COL4A5: variants seen among roughly 807,000 people sequenced by gnomAD.
COL4A5 encodes the protein collagen alpha-5(IV) chain.
Under a neutral mutation model 130.2 loss-of-function variants are expected in COL4A5, and 26 were observed. That is an observed-to-expected ratio of 0.20 (90% CI 0.15 to 0.28). COL4A5 has a LOEUF of 0.28. Ranked by LOEUF, COL4A5 falls within the 10% of genes least tolerant of loss-of-function variation. COL4A5 has a pLI of 1.00. For missense variants in COL4A5, 1,131 were observed against 1,344.3 expected, an observed-to-expected ratio of 0.84 and a Z score of 2.48; for synonymous variants, 496 against 439.6, an observed-to-expected ratio of 1.13 and a Z score of -1.60.
Position 108,689,504 on chromosome X carries a change from C to A in COL4A5, c.4528+1810C>A, listed in dbSNP as rs1170130948. 8.0e-6 allele frequency: 6 copies of A among 751,933 alleles called. No individual in the cohort carries two copies. The Admixed American group carries it at 3.5e-4, about 44-fold the overall frequency. The allele number at this position is 751,933 out of a possible 1,213,427, so 62.0% of individuals were successfully genotyped here. ...TAATAAGAACAATCAGATTTGGAAT[C>A]TATAAACTGGCCCTGACTCTGGTAC... is the stretch of plus-strand genomic sequence containing the variant. On this transcript the variant is annotated intron_variant, in intron 49 of 52. Transcript: ENST00000328300.
chrX:108,512,221 C>T (rs2065185100), intron 1 of COL4A5, among the ~76,000 whole-genome samples: 1 of 111,820 alleles, frequency 8.9e-6, no homozygotes, highest in South Asian at 3.7e-4. Context: ...ACAATACATA[C>T]ATCTGTGTAA....
At chrX:108,440,526 T>A in intron 1 of COL4A5, 1 of 264,656 alleles carries the variant, frequency 3.8e-6, no homozygotes, top group Admixed American at 6.2e-5. Context: ...AAACTTTTCC[T>A]CCCCTCCCTC....
intron 42 of COL4A5, among the ~76,000 whole-genome samples, chrX:108,672,649 G>T (rs972436142): frequency 9.0e-6 from 1 of 111,564 alleles, no homozygotes; most frequent in African/African-American, 3.3e-5. Context: ...AAAAAAAATT[G>T]ACTTGGCATA....
intron 1 of COL4A5, among the ~76,000 whole-genome samples, chrX:108,443,849 T>C (rs2064425530): frequency 8.9e-6 from 1 of 112,299 alleles, no homozygotes; most frequent in African/African-American, 3.2e-5. Context: ...ATTTGCCCAC[T>C]AATTTTAGCA....
chrX:108,669,248 A>C (rs1181419428), intron 41 of COL4A5, among the ~76,000 whole-genome samples: 1 of 112,421 alleles, frequency 8.9e-6, no homozygotes, highest in East Asian at 2.8e-4. Flanking sequence ...GTGATAGGTT[A>C]TGAACAGATT....
At chrX:108,580,391 C>T in intron 13 of COL4A5, 142 bp from the exon 14 acceptor site, 1 of 572,691 alleles carries the variant, frequency 1.7e-6, no homozygotes, top group South Asian at 2.3e-5. Flanking sequence ...GGATTATAGC[C>T]TCCAGCTCTA....
intron 29 of COL4A5, among the ~76,000 whole-genome samples, chrX:108,610,406 A>C (rs2066812448): frequency 9.0e-6 from 1 of 111,264 alleles, no homozygotes. Flanking sequence ...GCTCAATACA[A>C]ACTCTTCTTA....
At chrX:108,451,733 T>C (rs2064515784) in intron 1 of COL4A5, among the ~76,000 whole-genome samples, 1 of 109,747 alleles carries the variant, frequency 9.1e-6, no homozygotes, top group Non-Finnish European at 1.9e-5. Context: ...TCATTGTAGA[T>C]TCTGGATATT....
intron 1 of COL4A5, among the ~76,000 whole-genome samples, chrX:108,456,744 T>G (rs2064588267): frequency 8.9e-6 from 1 of 112,264 alleles, no homozygotes; most frequent in Non-Finnish European, 1.9e-5. Context: ...AAATCTTTTT[T>G]AAAGTAATGA....
chrX:108,641,401 A>G lies in COL4A5; in HGVS notation c.3247-13930A>G, dbSNP rs140669615. Among the ~76,000 whole-genome samples the G allele has an allele frequency of 3.8e-4, 43 of 111,804 alleles. No homozygotes were observed. In the East Asian group the frequency reaches 8.5e-3, roughly 22 times the overall value. On this transcript the variant is annotated intron_variant, in intron 36 of 52. Coordinates refer to ENST00000328300, the MANE Select transcript of COL4A5 (RefSeq NM_033380.3). Reference sequence around the variant, plus strand: ...GGTGGACGGGAGACAGGACTGGATTACAGCTCCAACTCGGACAGACAGAGC... The same window carrying G: ...GGTGGACGGGAGACAGGACTGGATTGCAGCTCCAACTCGGACAGACAGAGC...
At chrX:108,532,389 T>A in intron 1 of COL4A5, among the ~76,000 whole-genome samples, 1 of 111,472 alleles carries the variant, frequency 9.0e-6, no homozygotes, top group Non-Finnish European at 1.9e-5. Flanking sequence ...CCCTTCGTGA[T>A]TGAAACTCTC....
At chrX:108,455,758 T>A (rs1420964811) in intron 1 of COL4A5, among the ~76,000 whole-genome samples, 1 of 112,087 alleles carries the variant, frequency 8.9e-6, no homozygotes, top group East Asian at 2.8e-4. Context: ...TTCATTGAAT[T>A]ACCTTGAGGA....
At chrX:108,489,921 T>C (rs1249819203) in intron 1 of COL4A5, among the ~76,000 whole-genome samples, 1 of 112,033 alleles carries the variant, frequency 8.9e-6, no homozygotes, top group Non-Finnish European at 1.9e-5. Flanking sequence ...TAAACAGCTT[T>C]ACAAATGATA....
At chrX:108,583,220 C>T (rs1255172366) in intron 17 of COL4A5, among the ~76,000 whole-genome samples, 3 of 111,756 alleles carry the variant, frequency 2.7e-5, no homozygotes, top group Non-Finnish European at 3.8e-5. Flanking sequence ...GAGCATGTAT[C>T]GGCAAAACTT....
intron 1 of COL4A5, among the ~76,000 whole-genome samples, chrX:108,459,274 A>T (rs1228931017): frequency 9.0e-6 from 1 of 110,793 alleles, no homozygotes; most frequent in African/African-American, 3.3e-5. Context: ...ATTAAGATAG[A>T]TTTGCTTCTT....
chrX:108,681,654 A>G, intron 46 of COL4A5, 106 bp from the exon 47 acceptor site: 2 of 1,000,088 alleles, frequency 2.0e-6, no homozygotes, highest in African/African-American at 1.9e-5. Flanking sequence ...GCAATTCAAA[A>G]ACTGGTTTCT....
chrX:108,465,504 G>A (rs2064697632), intron 1 of COL4A5, among the ~76,000 whole-genome samples: 1 of 111,395 alleles, frequency 9.0e-6, no homozygotes, highest in Admixed American at 9.5e-5. Flanking sequence ...ATACACACAC[G>A]TATATTATAC....
chrX:108,569,732 T>A (rs2066030888), intron 6 of COL4A5, among the ~76,000 whole-genome samples: 1 of 111,074 alleles, frequency 9.0e-6, no homozygotes, highest in Admixed American at 9.6e-5. Context: ...CATGCTGGAG[T>A]GCAATGTCAC....
intron 41 of COL4A5, among the ~76,000 whole-genome samples, chrX:108,668,983 A>T: frequency 8.9e-6 from 1 of 111,749 alleles, no homozygotes; most frequent in Non-Finnish European, 1.9e-5. Context: ...AGGCACAATT[A>T]AAAAAATTAT....
Sources: allele counts gnomAD v4.1 joint callset (sites outside exome capture counted in the v4.1 genomes callset), GRCh38; gene constraint gnomAD v4.1.1; transcripts MANE v1.5; gene names NCBI Gene and HGNC (gene_info 2026-07-23, HGNC 2026-07-21).